DIDO1: variants seen among roughly 807,000 people sequenced by gnomAD.
DIDO1 encodes death-inducer obliterator 1.
In DIDO1, 16 loss-of-function variants were observed where a neutral mutation model predicts 99.4. The observed-to-expected ratio is 0.16, with a 90% CI of 0.11 to 0.24. The LOEUF (loss-of-function observed/expected upper bound fraction) is 0.24, where lower values mean the gene tolerates loss of function less well. DIDO1 is among the 10% of genes least tolerant of loss of function. The pLI, the probability that DIDO1 is intolerant of heterozygous loss-of-function variation, is 1.00. For synonymous variants in DIDO1, 1,366 were observed against 1,239.1 expected, an observed-to-expected ratio of 1.10 and a Z score of -2.15; for missense variants, 2,996 against 3,014.0, an observed-to-expected ratio of 0.99 and a Z score of 0.14.
At chr20:62,926,021 A>C (rs1568890333) in intron 1 of DIDO1, among the ~76,000 whole-genome samples, 1 of 151,996 alleles carries the variant, frequency 6.6e-6, no homozygotes, top group East Asian at 1.9e-4. Context: ...GAGAATGCCT[A>C]GGGAAACCAG....
intron 5 of DIDO1, 77 bp from the exon 6 acceptor site, chr20:62,906,177 G>A: frequency 1.3e-6 from 2 of 1,531,168 alleles, no homozygotes; most frequent in Non-Finnish European, 8.7e-7. Flanking sequence ...GAGAGATGAA[G>A]GCGGGGACCC....
At chr20:62,903,218 T>C (rs1393303829) in intron 6 of DIDO1, among the ~76,000 whole-genome samples, 1 of 152,174 alleles carries the variant, frequency 6.6e-6, no homozygotes, top group Non-Finnish European at 1.5e-5. Context: ...CCTACTGATA[T>C]CTTAGCAGGG....
intron 3 of DIDO1, 70 bp downstream of exon 3, chr20:62,910,704 T>C: frequency 6.5e-7 from 1 of 1,530,410 alleles, no homozygotes; most frequent in Non-Finnish European, 8.9e-7. Context: ...TGTAACCCTT[T>C]AAAATGAAAA....
intron 15 of DIDO1, among the ~76,000 whole-genome samples, chr20:62,886,885 T>A (rs1487615935): frequency 6.6e-6 from 1 of 152,184 alleles, no homozygotes; most frequent in Non-Finnish European, 1.5e-5. Flanking sequence ...AAGAAGTGAC[T>A]TCCCCCAACC....
intron 15 of DIDO1, among the ~76,000 whole-genome samples, chr20:62,883,068 C>T (rs552440692): frequency 2.3e-4 from 35 of 152,066 alleles, no homozygotes; most frequent in African/African-American, 8.2e-4. Flanking sequence ...GGATTACAGG[C>T]ATGCACCACT....
At chr20:62,891,824 C>T (rs931405037) in intron 14 of DIDO1, among the ~76,000 whole-genome samples, 163 bp downstream of exon 14, 3 of 151,232 alleles carry the variant, frequency 2.0e-5, no homozygotes, top group East Asian at 1.9e-4. Context: ...GGTGCGATCT[C>T]GGCTCACTGC....
Position 62,880,819 on chromosome 20 carries a change from T to A in DIDO1, c.5137A>T (p.Ser1713Cys). 6.2e-7 allele frequency: 1 copy of A among 1,612,768 alleles called. No homozygotes were observed. Among genetic ancestry groups the A allele is most frequent in the Non-Finnish European group, 8.5e-7 (1 of 1,179,972 alleles). Residue 1713 changes from serine (S) to cysteine (C), a missense_variant, in exon 16 of 16, where the codon AGC becomes TGC. This residue lies in a region of DIDO1 where 1,562 missense variants were observed against 1,412.6 expected (regional missense o/e 1.11). Transcript: ENST00000395343. ...CCCTCTGTTTCACCTGCAGGGCTGC[T>A]GCTCCTTCCAGCAGAATGAAGATTT... ...PRNLHSAGRS[S>C]SPAGETEGDR...
chr20:62,902,588 G>A (rs2064708523), intron 6 of DIDO1, among the ~76,000 whole-genome samples: 1 of 152,162 alleles, frequency 6.6e-6, no homozygotes, highest in African/African-American at 2.4e-5. Flanking sequence ...AATGAAAACT[G>A]AGACTGGGTC....
At chr20:62,937,246 A>G (rs1448870771) in intron 1 of DIDO1, among the ~76,000 whole-genome samples, 2 of 152,240 alleles carry the variant, frequency 1.3e-5, no homozygotes, top group Non-Finnish European at 1.5e-5. Flanking sequence ...ATTTTAAGGT[A>G]CTTCCCAGCA....
Position 62,894,485 on chromosome 20 carries a change from T to C in DIDO1, c.2500A>G (p.Ser834Gly), listed in dbSNP as rs367640416. ...CTGGTGGTGTCTTTCAACATGCTGC[T>C]GAAGACGTCGAGAAGCGGCGCTGTG... Reference protein sequence around the residue: ...KSTAPLLDVFSSMLKDTTSQH... With the variant: ...KSTAPLLDVFGSMLKDTTSQH... The change falls in exon 11 of 16, where the codon AGC (serine) becomes GGC (glycine). Residue 834 changes from serine to glycine, a missense_variant. Coordinates refer to ENST00000395343, the MANE Select transcript of DIDO1 (RefSeq NM_001193369.2). The surrounding 1 kb of genome is among the most constrained non-coding windows in gnomAD (Gnocchi z 4.4). 7 of 1,613,452 alleles carry C rather than the reference T, an allele frequency of 4.3e-6. No individual in the cohort carries two copies. The African/African-American group carries it at 9.3e-5, about 22-fold the overall frequency.
intron 5 of DIDO1, 90 bp from the exon 6 acceptor site, chr20:62,906,190 T>G: frequency 6.7e-7 from 1 of 1,494,190 alleles, no homozygotes; most frequent in African/African-American, 1.4e-5. Flanking sequence ...GGGGACCCAA[T>G]GTCTTCCTGA....
intron 1 of DIDO1, among the ~76,000 whole-genome samples, chr20:62,917,764 T>C (rs1233248143): frequency 1.3e-5 from 2 of 152,260 alleles, no homozygotes; most frequent in East Asian, 1.9e-4. Flanking sequence ...AATTGGCATA[T>C]TCTAAACATT....
chr20:62,925,960 G>A (rs935232129), intron 1 of DIDO1, among the ~76,000 whole-genome samples: 1 of 152,206 alleles, frequency 6.6e-6, no homozygotes, highest in African/African-American at 2.4e-5. Flanking sequence ...CAGAAGCTAA[G>A]CCGGCCACCC....
chr20:62,883,825 C>G (rs1355823211), intron 15 of DIDO1, among the ~76,000 whole-genome samples: 1 of 148,538 alleles, frequency 6.7e-6, no homozygotes, highest in Non-Finnish European at 1.5e-5. Context: ...GACTCTGTCT[C>G]AAAAAAACAA....
At position 62,880,262 on chromosome 20, in the gene DIDO1, A is replaced by G. The variant is rs1342674030; in HGVS notation, c.5694T>C (p.Ser1898=). The G allele has an allele frequency of 1.2e-6, 2 of 1,612,696 alleles. No homozygotes were observed. The highest frequency in any genetic ancestry group is 1.7e-5 in the Admixed American group (1 of 60,026). The change falls in exon 16 of 16, where the codon TCT becomes TCC. Residue 1898 remains serine, a synonymous_variant. Coordinates refer to ENST00000395343, the MANE Select transcript of DIDO1 (RefSeq NM_001193369.2). ...GGCCGCCTCGGGGGCCTTTCAGCTG[A>G]GACAGCAGTGGCCTTCTCTGGCCTC... ...QFGGQRRPLL[S]QLKGPRGGPP...
At position 62,891,061 on chromosome 20, in the gene DIDO1, C is replaced by G. The variant is rs2064386798; in HGVS notation, c.3440G>C (p.Gly1147Ala). The change falls in exon 15 of 16, where the codon GGT (glycine) becomes GCT (alanine). Residue 1147 changes from glycine to alanine, a missense_variant. Gly to Ala is a moderately conservative substitution (Grantham distance 60, BLOSUM62 0). This residue lies in a region of DIDO1 where 135 missense variants were observed against 202.3 expected (regional missense o/e 0.67). Coordinates refer to ENST00000395343, the MANE Select transcript of DIDO1 (RefSeq NM_001193369.2). Reference protein sequence around the residue: ...YSYFSSRGRFGVVANNNRHVK... With the variant: ...YSYFSSRGRFAVVANNNRHVK... ...GTGCCTGTTGTTATTAGCTACAACA[C>G]CAAAGCGGCCACGGCTGCTGAAATA... 1 of 1,614,050 alleles carries G rather than the reference C, an allele frequency of 6.2e-7. No individual in the cohort carries two copies. Among genetic ancestry groups the G allele is most frequent in the African/African-American group, 1.3e-5 (1 of 74,912 alleles).
chr20:62,890,500 A>T, intron 15 of DIDO1: 1 of 992,920 alleles, frequency 1.0e-6, no homozygotes, highest in Non-Finnish European at 1.2e-6. Context: ...TATTTCTAGA[A>T]ATAGTTTTCT....
rs201668788 is a variant in DIDO1 at position 62,894,055 on chromosome 20, C to T, written c.2712G>A (p.Pro904=). 4.5e-5 allele frequency: 73 copies of T among 1,614,226 alleles called. 1 individual carries two copies. Among genetic ancestry groups the T allele is most frequent in the Admixed American group, 1.2e-4 (7 of 60,038 alleles). The change falls in exon 12 of 16, where the codon CCG becomes CCA. Residue 904 remains proline (P), a synonymous_variant. Transcript: ENST00000395343. This position sits in a 1 kb window ranked among gnomAD's most constrained non-coding sequence, Gnocchi z 4.4. ...PAPDSADEVM[P]EAVPEVASEP... is the part of the protein sequence containing the mutation. ...CAGAGGCAACTTCAGGCACAGCCTC[C>T]GGCATCACCTCATCAGCTGAATCCG...
chr20:62,917,567 G>A (rs538358567), intron 1 of DIDO1, among the ~76,000 whole-genome samples: 34 of 152,306 alleles, frequency 2.2e-4, no homozygotes, highest in Admixed American at 1.8e-3. Flanking sequence ...GACAGACAGC[G>A]TTTCCGAGAC....
Sources: gnomAD v4.1 joint callset for allele counts (sites outside exome capture counted in the v4.1 genomes callset) on GRCh38, gnomAD v4.1.1 for gene constraint, gnomAD v4.1.1 regional missense constraint, Gnocchi (gnomAD v3.1) non-coding constraint, MANE v1.5 for transcripts, NCBI Gene and HGNC (gene_info 2026-07-23, HGNC 2026-07-21) for gene names.